The following TMED10 variants were observed in gnomAD, a reference collection of about 807,000 sequenced individuals.
TMED10 encodes the protein transmembrane emp24 domain-containing protein 10.
In TMED10, 7 loss-of-function variants were observed where a neutral mutation model predicts 23.1. The ratio of observed to expected loss-of-function variants is 0.30; its 90% confidence interval spans 0.17 to 0.57. The LOEUF is 0.57. TMED10 is among the 20% of genes least tolerant of loss of function. TMED10 has a pLI of 0.91. For missense variants in TMED10, 162 were observed against 274.8 expected, an observed-to-expected ratio of 0.59 and a Z score of 2.90; for synonymous variants, 113 against 106.9, an observed-to-expected ratio of 1.06 and a Z score of -0.35.
intron 4 of TMED10, 39 bp downstream of exon 4, chr14:75,135,721 A>G: frequency 6.2e-7 from 1 of 1,604,282 alleles, no homozygotes; most frequent in Non-Finnish European, 8.5e-7. Context: ...TGTCTCATTT[A>G]TGGGTCACTT....
intron 1 of TMED10, among the ~76,000 whole-genome samples, chr14:75,173,465 T>G (rs1224475993): frequency 6.6e-6 from 1 of 152,042 alleles, no homozygotes; most frequent in Non-Finnish European, 1.5e-5. Flanking sequence ...GCATGGCAAG[T>G]CTCATCAAGA....
intron 1 of TMED10, among the ~76,000 whole-genome samples, chr14:75,171,032 G>T (rs1025692019): frequency 1.1e-4 from 16 of 152,162 alleles, no homozygotes; most frequent in African/African-American, 3.9e-4. Context: ...CCACGAATGT[G>T]TTATCTTACA....
chr14:75,162,021 C>CCGGGGCGGGG (rs199631827), intron 1 of TMED10, among the ~76,000 whole-genome samples: 5 of 151,416 alleles, frequency 3.3e-5, no homozygotes, highest in Non-Finnish European at 5.9e-5. Flanking sequence ...AACCAGAGGT[C>CCGGGGCGGGG]CGGGGCGGGG....
chr14:75,137,607 G>A lies in TMED10; in HGVS notation c.412-1721C>T, dbSNP rs902389151. ...GGAGAATGGCGTGAACCCAGGAGGCGGAGCTTGCAGTGAGTTGAGATTGTG... is the reference window on the plus strand; with the variant it reads ...GGAGAATGGCGTGAACCCAGGAGGCAGAGCTTGCAGTGAGTTGAGATTGTG... On this transcript the variant is annotated intron_variant, in intron 3 of 4. Coordinates refer to ENST00000303575, the MANE Select transcript of TMED10 (RefSeq NM_006827.6). Among the ~76,000 whole-genome samples the A allele has an allele frequency of 1.5e-3, 231 of 150,854 alleles. 1 individual carries two copies. The highest frequency in any genetic ancestry group is 5.3e-3 in the African/African-American group (217 of 41,272).
intron 3 of TMED10, among the ~76,000 whole-genome samples, chr14:75,144,047 A>G (rs1295911173): frequency 6.6e-6 from 1 of 152,132 alleles, no homozygotes; most frequent in Non-Finnish European, 1.5e-5. Context: ...TGCTCCAACC[A>G]GGGCAGCTGT....
At chr14:75,145,229 A>G (rs939389711) in intron 3 of TMED10, among the ~76,000 whole-genome samples, 6 of 152,206 alleles carry the variant, frequency 3.9e-5, no homozygotes, top group Non-Finnish European at 5.9e-5. Flanking sequence ...AGCAGGAAGC[A>G]GGCAAAGGAA....
At chr14:75,164,555 A>T (rs1896129670) in intron 1 of TMED10, among the ~76,000 whole-genome samples, 1 of 12,430 alleles carries the variant, frequency 8.0e-5, no homozygotes, top group African/African-American at 1.7e-4. Flanking sequence ...ATATATATAT[A>T]TATATATATA....
At chr14:75,154,274 C>T (rs1195662071) in intron 1 of TMED10, among the ~76,000 whole-genome samples, 6 of 148,504 alleles carry the variant, frequency 4.0e-5, no homozygotes, top group African/African-American at 9.9e-5. Flanking sequence ...TGGTATTGGG[C>T]GCCTGTAATC....
chr14:75,153,775 C>A (rs1046277542), intron 1 of TMED10, among the ~76,000 whole-genome samples: 3 of 84,966 alleles, frequency 3.5e-5, no homozygotes, highest in African/African-American at 1.1e-4. Flanking sequence ...ATTTTTTTTT[C>A]CCTTTTTTTT....
intron 2 of TMED10, among the ~76,000 whole-genome samples, chr14:75,151,111 G>T (rs1452327941): frequency 6.6e-6 from 1 of 152,136 alleles, no homozygotes; most frequent in Non-Finnish European, 1.5e-5. Context: ...TCGCCATGTT[G>T]GCCAGGCTGG....
At chr14:75,167,766 G>C (rs1370080183) in intron 1 of TMED10, among the ~76,000 whole-genome samples, 1 of 152,036 alleles carries the variant, frequency 6.6e-6, no homozygotes, top group African/African-American at 2.4e-5. Flanking sequence ...GATCACTTGA[G>C]GCCAGGAGTT....
At chr14:75,154,401 C>CAAAAAAAAA (rs1166201835) in intron 1 of TMED10, among the ~76,000 whole-genome samples, 1,762 of 15,254 alleles carry the variant, frequency 0.12, 800 homozygotes, top group East Asian at 0.37. Context: ...GACTCTGTCT[C>CAAAAAAAAA]AAAAAAAAAA....
rs1271403476 is a variant in TMED10 at position 75,137,693 on chromosome 14, TC to T, written c.412-1808del. On this transcript the variant is annotated intron_variant, in intron 3 of 4. Coordinates refer to ENST00000303575, the MANE Select transcript of TMED10 (RefSeq NM_006827.6). ...CCATCTCAAAAAAAAAAAAAAAAAT[TC>T]TGTTTCTTTCTTTCTTTTTTTTTTT... Among the ~76,000 whole-genome samples, 290 of 109,130 alleles carry T rather than the reference TC, an allele frequency of 2.7e-3. 1 individual carries two copies. The highest frequency in any genetic ancestry group is 4.9e-3 in the Admixed American group (45 of 9,210). The allele number at this position is 109,130 out of a possible 152,430, so 71.6% of individuals were successfully genotyped here.
chr14:75,150,489 C>G (rs149483513), intron 2 of TMED10, among the ~76,000 whole-genome samples: 11 of 152,324 alleles, frequency 7.2e-5, no homozygotes, highest in African/African-American at 2.6e-4. Flanking sequence ...GAAGACAGTT[C>G]AGTCGAGGAC....
intron 1 of TMED10, among the ~76,000 whole-genome samples, chr14:75,162,611 G>GA (rs1225556766): frequency 1.3e-5 from 2 of 151,820 alleles, no homozygotes; most frequent in Admixed American, 6.6e-5. Context: ...TAGAAAGGGG[G>GA]AAAAAAGAGT....
chr14:75,149,318 T>A (rs1463567969), intron 2 of TMED10, among the ~76,000 whole-genome samples: 1 of 152,226 alleles, frequency 6.6e-6, no homozygotes, highest in African/African-American at 2.4e-5. Flanking sequence ...AAAAGTGAGT[T>A]CAGCCCCTTC....
chr14:75,134,629 T>C lies in TMED10; in HGVS notation c.*256A>G. 2.6e-6 allele frequency: 1 copy of C among 377,444 alleles called. No homozygotes were observed. The highest frequency in any genetic ancestry group is 5.0e-6 in the Non-Finnish European group (1 of 201,430). 23.4% of individuals were successfully genotyped at this position (377,444 alleles called of 1,614,324 possible). ...GCATTATCTAGGTAACCCCTATTTT[T>C]TGTCATAGGTGACTCTAATAATAGA... On this transcript the variant is annotated 3_prime_UTR_variant, in exon 5 of 5. Transcript: ENST00000303575.
chr14:75,145,774 G>A (rs1895876290), intron 3 of TMED10, among the ~76,000 whole-genome samples: 2 of 152,064 alleles, frequency 1.3e-5, no homozygotes, highest in African/African-American at 4.8e-5. Context: ...GCAACCAAGC[G>A]AGACTCCATC....
chr14:75,151,526 TAA>T (rs1485510898), intron 2 of TMED10, among the ~76,000 whole-genome samples: 1 of 152,148 alleles, frequency 6.6e-6, no homozygotes, highest in African/African-American at 2.4e-5. Flanking sequence ...GCCTTTTTTT[TAA>T]GACTTCACTT....
Sources: allele counts gnomAD v4.1 joint callset (sites outside exome capture counted in the v4.1 genomes callset), GRCh38; gene constraint gnomAD v4.1.1; transcripts MANE v1.5; gene names NCBI Gene and HGNC (gene_info 2026-07-23, HGNC 2026-07-21).